The following GRIK4 variants were observed in gnomAD, a reference collection of about 807,000 sequenced individuals.
The protein encoded by GRIK4 is glutamate ionotropic receptor kainate type subunit 4.
A neutral mutation model predicts 104.9 loss-of-function variants in GRIK4; 40 were observed. The observed-to-expected ratio is 0.38, with a 90% CI of 0.30 to 0.50. The LOEUF (loss-of-function observed/expected upper bound fraction) is 0.50. Ranked by LOEUF, GRIK4 falls within the 20% of genes least tolerant of loss-of-function variation. The pLI is 0.93. For synonymous variants in GRIK4, 485 were observed against 524.9 expected (o/e 0.92, Z 1.04); for missense variants, 1,047 against 1,308.1 (o/e 0.80, Z 3.08).
At chr11:120,806,408 GC>G (rs2135518466) in intron 4 of GRIK4, among the ~76,000 whole-genome samples, 1 of 152,270 alleles carries the variant, frequency 6.6e-6, no homozygotes, top group South Asian at 2.1e-4. Flanking sequence ...GCCAGCTGCT[GC>G]CCAATGCCAA....
At chr11:120,532,913 C>T (rs554511921) in intron 1 of GRIK4, among the ~76,000 whole-genome samples, 1 of 152,186 alleles carries the variant, frequency 6.6e-6, no homozygotes, top group African/African-American at 2.4e-5. Context: ...GCTTCATTCA[C>T]TCATTCATCC....
chr11:120,538,287 C>T (rs1306041700), intron 1 of GRIK4, among the ~76,000 whole-genome samples: 2 of 152,128 alleles, frequency 1.3e-5, no homozygotes. Context: ...GGCACCTCCT[C>T]CTGGGGAAGA....
chr11:120,597,297 T>C (rs906129197), intron 1 of GRIK4, among the ~76,000 whole-genome samples: 3 of 152,196 alleles, frequency 2.0e-5, no homozygotes, highest in Admixed American at 6.5e-5. Context: ...CTTCCCACCA[T>C]GATGAGGAGA....
intron 11 of GRIK4, among the ~76,000 whole-genome samples, chr11:120,893,930 A>G (rs377570560): frequency 6.6e-6 from 1 of 152,200 alleles, no homozygotes; most frequent in Admixed American, 6.5e-5. Flanking sequence ...GCTCGGCTCT[A>G]GAATTTCTGA....
intron 3 of GRIK4, among the ~76,000 whole-genome samples, chr11:120,701,969 T>C (rs1950559047): frequency 6.7e-6 from 1 of 148,652 alleles, no homozygotes; most frequent in South Asian, 2.2e-4. Context: ...TTTTTTTTTT[T>C]TTTTTGAGAT....
intron 1 of GRIK4, among the ~76,000 whole-genome samples, chr11:120,522,092 T>G (rs1172501976): frequency 1.3e-5 from 2 of 152,176 alleles, no homozygotes; most frequent in African/African-American, 4.8e-5. Context: ...AGATGACACA[T>G]GAGCCAAGTG....
At chr11:120,725,068 T>C (rs1951004543) in intron 3 of GRIK4, among the ~76,000 whole-genome samples, 1 of 152,210 alleles carries the variant, frequency 6.6e-6, no homozygotes, top group African/African-American at 2.4e-5. Flanking sequence ...AATTAGGGAT[T>C]ATGTGGATTT....
intron 3 of GRIK4, among the ~76,000 whole-genome samples, chr11:120,712,695 T>A (rs1309332437): frequency 1.3e-5 from 2 of 152,108 alleles, no homozygotes; most frequent in Non-Finnish European, 1.5e-5. Context: ...CGTCAGTTTT[T>A]CCTAATGTTG....
At position 120,584,567 on chromosome 11, in the gene GRIK4, G is replaced by C. The variant is rs112045171; in HGVS notation, c.-158-69118G>C. 8.9e-4 allele frequency among the ~76,000 whole-genome samples: 136 copies of C among 152,270 alleles called. 2 individuals carry two copies. The highest frequency in any genetic ancestry group is 3.0e-3 in the African/African-American group (125 of 41,554). ...ACACTTTTAAATGACCAGATCTCAT[G>C]AGAACTCACTATTGTGAAGACAGCA... On this transcript the variant is annotated intron_variant, in intron 1 of 20. Transcript: ENST00000527524.
intron 2 of GRIK4, 58 bp from the exon 3 acceptor site, chr11:120,660,211 G>A (rs142734434): frequency 6.7e-6 from 5 of 748,018 alleles, no homozygotes; most frequent in Non-Finnish European, 9.4e-6. Flanking sequence ...CTGGGATGGT[G>A]GGGCAGCTGC....
intron 13 of GRIK4, among the ~76,000 whole-genome samples, chr11:120,913,551 C>T (rs1943043462): frequency 6.6e-6 from 1 of 151,752 alleles, no homozygotes; most frequent in Non-Finnish European, 1.5e-5. Context: ...TCTAGGTTCA[C>T]AGTTCAGAAC....
intron 1 of GRIK4, among the ~76,000 whole-genome samples, chr11:120,633,417 C>T (rs1233476319): frequency 2.0e-5 from 3 of 152,100 alleles, no homozygotes; most frequent in Non-Finnish European, 4.4e-5. Context: ...AATCGCTGCC[C>T]ATGCCTTGTT....
chr11:120,955,544 G>T (rs1488385086), intron 15 of GRIK4, among the ~76,000 whole-genome samples: 1 of 152,210 alleles, frequency 6.6e-6, no homozygotes, highest in Non-Finnish European at 1.5e-5. Flanking sequence ...ATGGGCCGGG[G>T]CTGCAAGCAT....
At chr11:120,965,493 G>T (rs1944368779) in intron 18 of GRIK4, among the ~76,000 whole-genome samples, 1 of 152,200 alleles carries the variant, frequency 6.6e-6, no homozygotes, top group Non-Finnish European at 1.5e-5. Context: ...CAGGCTTGGG[G>T]TTCGGGTCCA....
chr11:120,877,054 G>A (rs1365538597), intron 11 of GRIK4, among the ~76,000 whole-genome samples: 2 of 152,202 alleles, frequency 1.3e-5, no homozygotes, highest in Non-Finnish European at 2.9e-5. Flanking sequence ...CTTGGAAGAC[G>A]AGGCAGTAAA....
intron 11 of GRIK4, among the ~76,000 whole-genome samples, chr11:120,888,591 T>C (rs1043370280): frequency 1.3e-5 from 2 of 152,228 alleles, no homozygotes; most frequent in African/African-American, 2.4e-5. Flanking sequence ...GAACCAGTTA[T>C]GTTCCAGGTA....
At chr11:120,806,008 A>G (rs910950348) in intron 4 of GRIK4, among the ~76,000 whole-genome samples, 7 of 152,196 alleles carry the variant, frequency 4.6e-5, no homozygotes, top group Non-Finnish European at 7.4e-5. Context: ...CAGGCTGTTT[A>G]ACCATTTTGT....
intron 1 of GRIK4, among the ~76,000 whole-genome samples, chr11:120,611,097 C>T (rs530221153): frequency 3.3e-5 from 5 of 152,276 alleles, no homozygotes; most frequent in East Asian, 1.9e-4. Context: ...AGCTCACCTT[C>T]GTTCAGCCCC....
rs566384772 is a variant in GRIK4, at chr11:120,766,199, C to T, written c.83-36494C>T. ...CAGTCTGCCTGCAGTGGCTTTGCAG[C>T]GCTGTGGTGTGCTCCACCCAGTCCA... On this transcript the variant is annotated intron_variant, in intron 3 of 20. Coordinates refer to ENST00000527524, the MANE Select transcript of GRIK4 (RefSeq NM_014619.5). 7.4e-4 allele frequency among the ~76,000 whole-genome samples: 113 copies of T among 152,320 alleles called. 1 individual carries two copies. Among genetic ancestry groups the T allele is most frequent in the Non-Finnish European group, 1.4e-3 (93 of 68,032 alleles).
Sources: gnomAD v4.1 joint callset for allele counts (sites outside exome capture counted in the v4.1 genomes callset) on GRCh38, gnomAD v4.1.1 for gene constraint, MANE v1.5 for transcripts, NCBI Gene and HGNC (gene_info 2026-07-23, HGNC 2026-07-21) for gene names.